Variants in SLC35E1 observed in about 807,000 individuals in gnomAD.
The protein encoded by SLC35E1 is solute carrier family 35, member E1.
SLC35E1 carries 12 observed loss-of-function variants against 31.0 expected under a neutral mutation model. The ratio of observed to expected loss-of-function variants is 0.39; its 90% CI spans 0.25 to 0.63. The LOEUF (loss-of-function observed/expected upper bound fraction) is 0.63. Among genes scored for constraint, SLC35E1 ranks in the 20% least tolerant of loss-of-function variants. The pLI, the probability that SLC35E1 is intolerant of heterozygous loss-of-function variation, is 0.52. For synonymous variants in SLC35E1, 257 were observed against 264.1 expected (o/e 0.97, Z 0.26); for missense variants, 429 against 572.2 (o/e 0.75, Z 2.55).
chr19:16,561,213 C>CAAAAAAAAAAAAAAAAAAAAA lies in SLC35E1; in HGVS notation c.756+5298_756+5318dup, dbSNP rs59176175. ...TGGGCAACAGATCAAGACTCCATCT[C>CAAAAAAAAAAAAAAAAAAAAA]AAAAAAAAAAAAAAAAAAAAAAAAA... On this transcript the variant is annotated intron_variant, in intron 4 of 5. Coordinates refer to ENST00000595753, the MANE Select transcript of SLC35E1 (RefSeq NM_024881.5). 1.5e-3 allele frequency among the ~76,000 whole-genome samples: 36 copies of CAAAAAAAAAAAAAAAAAAAAA among 24,744 alleles called. 1 individual carries two copies. The highest frequency in any genetic ancestry group is 2.9e-3 in the African/African-American group (10 of 3,464). 16.2% of individuals were successfully genotyped at this position (24,744 alleles called of 152,430 possible).
intron 4 of SLC35E1, among the ~76,000 whole-genome samples, chr19:16,558,770 T>G (rs1003814928): frequency 1.6e-5 from 2 of 126,274 alleles, no homozygotes; most frequent in Non-Finnish European, 3.2e-5. Context: ...ATCCCTTGAG[T>G]TTTTTTTTTT....
Position 16,553,662 on chromosome 19 carries a change from G to T in SLC35E1, c.*17C>A. On this transcript the variant is annotated 3_prime_UTR_variant, in exon 6 of 6. Coordinates refer to ENST00000595753, the MANE Select transcript of SLC35E1 (RefSeq NM_024881.5). Reference sequence around the variant, plus strand: ...CGGGGAAGGAGTCACCAACAGTCTGGTCCTGTCCTTTGGACTCTACACATC... The same window carrying T: ...CGGGGAAGGAGTCACCAACAGTCTGTTCCTGTCCTTTGGACTCTACACATC... 6.7e-7 allele frequency: 1 copy of T among 1,487,600 alleles called. No homozygotes were observed. Among genetic ancestry groups the T allele is most frequent in the Non-Finnish European group, 9.0e-7 (1 of 1,109,862 alleles). The allele number at this position is 1,487,600 out of a possible 1,614,324, so 92.2% of individuals were successfully genotyped here. A position where few individuals can be genotyped will look rare whatever the true frequency, so the allele number is the denominator to read the frequency against.
rs945248494 is a variant in SLC35E1, at chr19:16,555,579, A to T, written c.757-182T>A. The stretch of plus-strand genomic sequence containing the variant: ...CTAGGTGCTTTAGGTCCATGACCTC[A>T]GAACCTCATGACACCACACAGCATG... On this transcript the variant is annotated intron_variant, in intron 4 of 5. Transcript: ENST00000595753. The surrounding 1 kb of genome is among the most constrained non-coding windows in gnomAD (Gnocchi z 4.1). The T allele has an allele frequency of 5.5e-6, 4 of 727,252 alleles. No individual in the cohort carries two copies. Among genetic ancestry groups the T allele is most frequent in the African/African-American group, 3.6e-5 (2 of 56,230 alleles). The allele number at this position is 727,252 out of a possible 1,614,324, so 45.0% of individuals were successfully genotyped here.
Position 16,553,574 on chromosome 19 carries a change from C to T in SLC35E1, c.*105G>A, listed in dbSNP as rs1298050545. 7.3e-6 allele frequency: 8 copies of T among 1,100,422 alleles called. No homozygotes were observed. Among genetic ancestry groups the T allele is most frequent in the South Asian group, 4.3e-5 (2 of 46,436 alleles). The allele number at this position is 1,100,422 out of a possible 1,614,324, so 68.2% of individuals were successfully genotyped here. On this transcript the variant is annotated 3_prime_UTR_variant, in exon 6 of 6. Coordinates refer to ENST00000595753, the MANE Select transcript of SLC35E1 (RefSeq NM_024881.5). Reference sequence around the variant, plus strand: ...GGGCTTCTGATGGAGAGTTATGCACCGTCCCCTCGGCTGGGTTGTACATTC... The same window carrying T: ...GGGCTTCTGATGGAGAGTTATGCACTGTCCCCTCGGCTGGGTTGTACATTC...
chr19:16,554,997 G>C (rs1568271024), intron 5 of SLC35E1, among the ~76,000 whole-genome samples, 155 bp downstream of exon 5: 1 of 152,072 alleles, frequency 6.6e-6, no homozygotes, highest in Non-Finnish European at 1.5e-5. Flanking sequence ...AAGGAAGCCA[G>C]AGTGGGATGG....
Position 16,555,694 on chromosome 19 carries a change from C to T in SLC35E1, c.757-297G>A. 2.6e-6 allele frequency: 1 copy of T among 387,090 alleles called. No individual in the cohort carries two copies. The highest frequency in any genetic ancestry group is 4.1e-5 in the Admixed American group (1 of 24,248). The allele number at this position is 387,090 out of a possible 1,614,324, so 24.0% of individuals were successfully genotyped here. Reference sequence around the variant, plus strand: ...AGACGTAAGCCAAAGCCTTCCCTGGCAGTGAACAGCCAGGAACCCTGGGTT... The same window carrying T: ...AGACGTAAGCCAAAGCCTTCCCTGGTAGTGAACAGCCAGGAACCCTGGGTT... On this transcript the variant is annotated intron_variant, in intron 4 of 5. Transcript: ENST00000595753. The surrounding 1 kb of genome is among the most constrained non-coding windows in gnomAD (Gnocchi z 4.1).
At position 16,570,590 on chromosome 19, in the gene SLC35E1, C is replaced by A. The variant is rs141095331; in HGVS notation, c.492+922G>T. Among the ~76,000 whole-genome samples, 47 of 152,320 alleles carry A rather than the reference C, an allele frequency of 3.1e-4. 1 individual carries two copies. The highest frequency in any genetic ancestry group is 3.4e-3 in the Middle Eastern group (1 of 294). ...TGCCCCAAGCCAGGAAATACCCTGG[C>A]TTGGCATCTTGAACAGAATTTGGAC... On this transcript the variant is annotated intron_variant, in intron 2 of 5. Transcript: ENST00000595753.
rs2085933202 is a variant in SLC35E1 at position 16,566,524 on chromosome 19, C to A, written c.756+8G>T. 1.2e-6 allele frequency: 2 copies of A among 1,612,456 alleles called. No homozygotes were observed. The highest frequency in any genetic ancestry group is 1.7e-5 in the Admixed American group (1 of 59,994). ...AAAATGGCGTGTTCTTGGTGCTGTA[C>A]AACTCACCAAGTCGCTGCTGACCAG... On this transcript the variant is annotated splice_region_variant and intron_variant, in intron 4 of 5. Coordinates refer to ENST00000595753, the MANE Select transcript of SLC35E1 (RefSeq NM_024881.5).
chr19:16,565,215 C>T (rs2085925705), intron 4 of SLC35E1: 5 of 357,824 alleles, frequency 1.4e-5, no homozygotes, highest in South Asian at 4.2e-5. Context: ...TTCTTTCTTT[C>T]TTTTTTTTTT....
Position 16,561,213 on chromosome 19 carries a change from C to CAAAAAAAAAA in SLC35E1, c.756+5309_756+5318dup, listed in dbSNP as rs59176175. Reference sequence around the variant, plus strand: ...TGGGCAACAGATCAAGACTCCATCTCAAAAAAAAAAAAAAAAAAAAAAAAA... The same window carrying CAAAAAAAAAA: ...TGGGCAACAGATCAAGACTCCATCTCAAAAAAAAAAAAAAAAAAAAAAAAAAAAAAAAAAA... On this transcript the variant is annotated intron_variant, in intron 4 of 5. Transcript: ENST00000595753. 5.9e-3 allele frequency among the ~76,000 whole-genome samples: 145 copies of CAAAAAAAAAA among 24,758 alleles called. 2 individuals are homozygous for CAAAAAAAAAA. Among genetic ancestry groups the CAAAAAAAAAA allele is most frequent in the African/African-American group, 9.5e-3 (33 of 3,464 alleles). The allele number at this position is 24,758 out of a possible 152,430, so 16.2% of individuals were successfully genotyped here.
Position 16,568,767 on chromosome 19 carries a change from C to T in SLC35E1, c.493-598G>A, listed in dbSNP as rs1301912857. On this transcript the variant is annotated intron_variant, in intron 2 of 5. Coordinates refer to ENST00000595753, the MANE Select transcript of SLC35E1 (RefSeq NM_024881.5). ...AGGCTAGTCTTGAACGCCTGATCCA[C>T]GTCATCCATCCACCTTGGCCTCCCA... Among the ~76,000 whole-genome samples, 8 of 152,296 alleles carry T rather than the reference C, an allele frequency of 5.3e-5. 1 individual carries two copies. In the South Asian group the frequency reaches 8.3e-4, roughly 16 times the overall value.
chr19:16,560,457 C>T (rs577273771), intron 4 of SLC35E1, among the ~76,000 whole-genome samples: 1 of 152,272 alleles, frequency 6.6e-6, no homozygotes, highest in Admixed American at 6.5e-5. Flanking sequence ...GAGGAAGAGT[C>T]GCCCTTCTCA....
chr19:16,550,248 T>C lies in SLC35E1; in HGVS notation c.*3431A>G, dbSNP rs2085838239. On this transcript the variant is annotated 3_prime_UTR_variant, in exon 6 of 6. Coordinates refer to ENST00000595753, the MANE Select transcript of SLC35E1 (RefSeq NM_024881.5). Reference sequence around the variant, plus strand: ...CATGATTCAGAAATGCCTCCTTCTATAAAATGAAGGAGCTGGGTTGGAGTC... The same window carrying C: ...CATGATTCAGAAATGCCTCCTTCTACAAAATGAAGGAGCTGGGTTGGAGTC... 1 of 152,168 alleles carries C rather than the reference T, an allele frequency of 6.6e-6. No individual in the cohort carries two copies. The highest frequency in any genetic ancestry group is 1.5e-5 in the Non-Finnish European group (1 of 68,026). 9.4% of individuals were successfully genotyped at this position (152,168 alleles called of 1,614,324 possible). A position where few individuals can be genotyped will look rare whatever the true frequency, so the allele number is the denominator to read the frequency against.
chr19:16,572,158 C>T lies in SLC35E1; in HGVS notation c.207G>A (p.Leu69=), dbSNP rs757185773. The T allele has an allele frequency of 1.4e-5, 21 of 1,519,364 alleles. No homozygotes were observed. In the African/African-American group the frequency reaches 2.9e-4, roughly 21 times the overall value. 94.1% of individuals were successfully genotyped at this position (1,519,364 alleles called of 1,614,324 possible). A position where few individuals can be genotyped will look rare whatever the true frequency, so the allele number is the denominator to read the frequency against. The change falls in exon 1 of 6, where the codon CTG becomes CTA. Residue 69 remains leucine, a synonymous_variant. Transcript: ENST00000595753. The surrounding 1 kb of genome is among the most constrained non-coding windows in gnomAD (Gnocchi z 4.1). ...VTVSLCHILA[L]CAGLPPLLRA... Reference sequence around the variant, plus strand: ...GCAGCAGCGGCGGGAGCCCAGCGCACAGAGCCAGGATGTGGCACAGCGACA... The same window carrying T: ...GCAGCAGCGGCGGGAGCCCAGCGCATAGAGCCAGGATGTGGCACAGCGACA...
chr19:16,555,069 G>C lies in SLC35E1; in HGVS notation c.1002+83C>G. On this transcript the variant is annotated intron_variant, in intron 5 of 5. Transcript: ENST00000595753. The surrounding 1 kb of genome is among the most constrained non-coding windows in gnomAD (Gnocchi z 4.1). ...CTCTGACATACAACCCCAGCCTTGAGCGCCCGGGAGGCCCTTCCTTTTCTG... is the reference window on the plus strand; with the variant it reads ...CTCTGACATACAACCCCAGCCTTGACCGCCCGGGAGGCCCTTCCTTTTCTG... The C allele has an allele frequency of 2.5e-6, 4 of 1,571,780 alleles. No individual in the cohort carries two copies. Among genetic ancestry groups the C allele is most frequent in the Non-Finnish European group, 3.4e-6 (4 of 1,160,192 alleles).
Position 16,555,326 on chromosome 19 carries a change from A to G in SLC35E1, c.828T>C (p.Asn276=). 6.2e-7 allele frequency: 1 copy of G among 1,614,166 alleles called. No homozygotes were observed. Among genetic ancestry groups the G allele is most frequent in the Non-Finnish European group, 8.5e-7 (1 of 1,180,024 alleles). Residue 276 remains asparagine, a synonymous_variant, in exon 5 of 6, where the codon AAT becomes AAC. Coordinates refer to ENST00000595753, the MANE Select transcript of SLC35E1 (RefSeq NM_024881.5). The surrounding 1 kb of genome is among the most constrained non-coding windows in gnomAD (Gnocchi z 4.1). ...GGTTGAGGATGCTGAAGGCGATAACATTCTGGGCAAAGTTACAGAAGCCGC... is the reference window on the plus strand; with the variant it reads ...GGTTGAGGATGCTGAAGGCGATAACGTTCTGGGCAAAGTTACAGAAGCCGC... The part of the protein sequence containing the change: ...AVSGFCNFAQ[N]VIAFSILNLV...
At chr19:16,565,742 T>TCC (rs1303536638) in intron 4 of SLC35E1, 3 of 145,418 alleles carry the variant, frequency 2.1e-5, no homozygotes, top group Non-Finnish European at 4.5e-5. Flanking sequence ...GGTCTCAAAC[T>TCC]CCTGACCTCG....
At chr19:16,559,908 T>C (rs1049926023) in intron 4 of SLC35E1, among the ~76,000 whole-genome samples, 3 of 152,188 alleles carry the variant, frequency 2.0e-5, no homozygotes, top group Admixed American at 6.5e-5. Context: ...ATTATAAAAG[T>C]CTGGGTCTTA....
At position 16,558,430 on chromosome 19, in the gene SLC35E1, A is replaced by C. The variant is rs139868314; in HGVS notation, c.757-3033T>G. 4.2e-3 allele frequency among the ~76,000 whole-genome samples: 633 copies of C among 151,704 alleles called. 1 individual carries two copies. Among genetic ancestry groups the C allele is most frequent in the African/African-American group, 0.014 (594 of 41,346 alleles). Reference sequence around the variant, plus strand: ...TGGCTCACTGCAACCTCTGCCTCCCAGGTTCAAGCAATTCACCTGCCTCAG... The same window carrying C: ...TGGCTCACTGCAACCTCTGCCTCCCCGGTTCAAGCAATTCACCTGCCTCAG... On this transcript the variant is annotated intron_variant, in intron 4 of 5. Coordinates refer to ENST00000595753, the MANE Select transcript of SLC35E1 (RefSeq NM_024881.5).
Sources: gnomAD v4.1 joint callset for allele counts (sites outside exome capture counted in the v4.1 genomes callset) on GRCh38, gnomAD v4.1.1 for gene constraint, Gnocchi (gnomAD v3.1) non-coding constraint, MANE v1.5 for transcripts, NCBI Gene and HGNC (gene_info 2026-07-23, HGNC 2026-07-21) for gene names.